MEAK7: variants seen among roughly 807,000 people sequenced by gnomAD.
MEAK7 encodes the protein MTOR-associated protein MEAK7.
In MEAK7, 68 loss-of-function variants were observed where a neutral mutation model predicts 40.5. The observed-to-expected ratio is 1.68, with a 90% CI of 1.38 to 2.06. The LOEUF (loss-of-function observed/expected upper bound fraction) is 2.06. Ranked by LOEUF, MEAK7 falls within the 30% of genes most tolerant of loss-of-function variation. MEAK7 has a pLI of 0.00. For missense variants in MEAK7, 918 were observed against 580.5 expected, an observed-to-expected ratio of 1.58 and a Z score of -5.98; for synonymous variants, 338 against 231.9, an observed-to-expected ratio of 1.46 and a Z score of -4.16.
At position 84,480,607 on chromosome 16, in the gene MEAK7, CGG is replaced by C; in HGVS notation, c.1177_1178del (p.Pro393AlafsTer11). 6.2e-7 allele frequency: 1 copy of C among 1,614,026 alleles called. No homozygotes were observed. Among genetic ancestry groups the C allele is most frequent in the Non-Finnish European group, 8.5e-7 (1 of 1,179,976 alleles). On this transcript the variant is annotated frameshift_variant, in exon 7 of 8. Coordinates refer to ENST00000343629, the MANE Select transcript of MEAK7 (RefSeq NM_020947.4). LOFTEE classifies it high-confidence loss of function. Reference protein sequence around the residue: ...AKPTCTTYNSPQLSAQENFQF... With the variant: ...AKPTCTTYNSXQLSAQENFQF... Reference sequence around the variant, plus strand: ...GGAAGTTCTCCTGAGCCGACAGCTGCGGGCTGTTGTACGTGGTGCACGTGGGC... The same window carrying C: ...GGAAGTTCTCCTGAGCCGACAGCTGCGCTGTTGTACGTGGTGCACGTGGGC...
chr16:84,484,731 C>A (rs189830054), intron 5 of MEAK7, among the ~76,000 whole-genome samples: 1 of 152,164 alleles, frequency 6.6e-6, no homozygotes, highest in Non-Finnish European at 1.5e-5. Context: ...TATTAGAGGT[C>A]ATTATTTCCA....
At chr16:84,504,497 G>A (rs1403600754) in intron 1 of MEAK7, 104 bp downstream of exon 1, 2 of 727,642 alleles carry the variant, frequency 2.7e-6, no homozygotes, top group Non-Finnish European at 3.4e-6. Context: ...GCCAGGGAGG[G>A]GCAGGGCCCA....
chr16:84,489,528 G>C, intron 3 of MEAK7, 106 bp from the exon 4 acceptor site: 1 of 1,296,654 alleles, frequency 7.7e-7, no homozygotes, highest in South Asian at 1.5e-5. Context: ...ACTATGATGG[G>C]CCACAATGTG....
Position 84,478,995 on chromosome 16 carries a change from G to A in MEAK7, c.*918C>T, listed in dbSNP as rs1470451790. The A allele has an allele frequency of 6.6e-6, 1 of 152,210 alleles. No homozygotes were observed. The highest frequency in any genetic ancestry group is 2.4e-5 in the African/African-American group (1 of 41,456). 9.4% of individuals were successfully genotyped at this position (152,210 alleles called of 1,614,324 possible). ...ATGTCCCTCACCTTGAAGTTAGCAA[G>A]AGAACCACAACTTTGCTTCTCTGTA... is the stretch of plus-strand genomic sequence containing the variant. On this transcript the variant is annotated 3_prime_UTR_variant, in exon 8 of 8. Coordinates refer to ENST00000343629, the MANE Select transcript of MEAK7 (RefSeq NM_020947.4).
chr16:84,497,872 A>T, intron 2 of MEAK7, 62 bp downstream of exon 2: 1 of 1,604,156 alleles, frequency 6.2e-7, no homozygotes, highest in Non-Finnish European at 8.5e-7. Context: ...TTCTGGCCTG[A>T]AAGCCACAGT....
At chr16:84,495,075 C>A (rs1913928174) in intron 3 of MEAK7, among the ~76,000 whole-genome samples, 1 of 152,142 alleles carries the variant, frequency 6.6e-6, no homozygotes, top group Non-Finnish European at 1.5e-5. Flanking sequence ...TGGAGACCAG[C>A]CTGGCCAACG....
At chr16:84,490,478 T>C (rs1309453196) in intron 3 of MEAK7, among the ~76,000 whole-genome samples, 1 of 106,492 alleles carries the variant, frequency 9.4e-6, no homozygotes, top group Non-Finnish European at 1.8e-5. Flanking sequence ...TTTTTTTTTT[T>C]TACCTCAACA....
At chr16:84,481,957 G>A (rs1912592524) in intron 6 of MEAK7, among the ~76,000 whole-genome samples, 1 of 152,076 alleles carries the variant, frequency 6.6e-6, no homozygotes, top group African/African-American at 2.4e-5. Flanking sequence ...AAAGAAAAGA[G>A]CTTTCTGTCA....
At position 84,486,946 on chromosome 16, in the gene MEAK7, A is replaced by G. The variant is rs1913135090; in HGVS notation, c.643T>C (p.Cys215Arg). Residue 215 changes from cysteine to arginine, a missense_variant, in exon 5 of 8, where the codon TGC (cysteine) becomes CGC (arginine). Transcript: ENST00000343629. ...GAGCACAGGATGAGAAAGCCCTTGC[A>G]AATGACCACACTCAGGAATATGGCC... ...HVAIFLSVVI[C>R]KGFLILCSSL... 1.9e-6 allele frequency: 3 copies of G among 1,614,200 alleles called. No individual in the cohort carries two copies. The highest frequency in any genetic ancestry group is 2.5e-6 in the Non-Finnish European group (3 of 1,180,042).
At chr16:84,481,205 G>T (rs939666555) in intron 6 of MEAK7, among the ~76,000 whole-genome samples, 7 of 152,190 alleles carry the variant, frequency 4.6e-5, no homozygotes, top group South Asian at 2.1e-4. Context: ...AGGCAGACCC[G>T]GAGGCGGATG....
chr16:84,503,750 C>T (rs950521325), intron 1 of MEAK7, among the ~76,000 whole-genome samples: 1 of 152,108 alleles, frequency 6.6e-6, no homozygotes, highest in Non-Finnish European at 1.5e-5. Flanking sequence ...GTTGCTCTGC[C>T]TCCGTGATGG....
intron 1 of MEAK7, among the ~76,000 whole-genome samples, chr16:84,502,239 C>G (rs554307529): frequency 1.3e-5 from 2 of 152,146 alleles, no homozygotes; most frequent in South Asian, 4.2e-4. Context: ...AGTTTCGTCC[C>G]CCAGGGGCAT....
chr16:84,479,834 G>A lies in MEAK7; in HGVS notation c.*79C>T, dbSNP rs1029275781. ...TACGCTATTACAGTTAAACCATGTG[G>A]GAGGGAAGAGGGGCTGCAGGCGTTG... On this transcript the variant is annotated 3_prime_UTR_variant, in exon 8 of 8. Transcript: ENST00000343629. 2 of 1,086,704 alleles carry A rather than the reference G, an allele frequency of 1.8e-6. No individual in the cohort carries two copies. Among genetic ancestry groups the A allele is most frequent in the African/African-American group, 3.2e-5 (2 of 63,380 alleles). 67.3% of individuals were successfully genotyped at this position (1,086,704 alleles called of 1,614,324 possible).
At position 84,484,986 on chromosome 16, in the gene MEAK7, G is replaced by C. The variant is rs575012148; in HGVS notation, c.958+1645C>G. Among the ~76,000 whole-genome samples the C allele has an allele frequency of 2.6e-5, 4 of 152,350 alleles. No homozygotes were observed. In the South Asian group the frequency reaches 8.3e-4, roughly 32 times the overall value. On this transcript the variant is annotated intron_variant, in intron 5 of 7. Transcript: ENST00000343629. ...TGAAATTAACATTAAAGGCTCTGGA[G>C]GGAGCAGCAGCTTTACCCTGATCAT...
At position 84,494,195 on chromosome 16, in the gene MEAK7, A is replaced by G. The variant is rs78234404; in HGVS notation, c.384+1488T>C. 2.7e-4 allele frequency among the ~76,000 whole-genome samples: 41 copies of G among 152,338 alleles called. No individual in the cohort carries two copies. In the East Asian group the frequency reaches 7.7e-3, roughly 29 times the overall value. On this transcript the variant is annotated intron_variant, in intron 3 of 7. Coordinates refer to ENST00000343629, the MANE Select transcript of MEAK7 (RefSeq NM_020947.4). ...TATGCAAAATAATCAAGCTAAGTAT[A>G]ATTAGACTACAACTTATTTTACAAA...
chr16:84,491,062 A>G (rs1481583168), intron 3 of MEAK7, among the ~76,000 whole-genome samples: 1 of 152,260 alleles, frequency 6.6e-6, no homozygotes, highest in Non-Finnish European at 1.5e-5. Flanking sequence ...AAGTTGGTTC[A>G]TTGAAAAGAT....
At chr16:84,484,831 C>T (rs1272877720) in intron 5 of MEAK7, among the ~76,000 whole-genome samples, 6 of 152,184 alleles carry the variant, frequency 3.9e-5, no homozygotes, top group South Asian at 4.1e-4. Flanking sequence ...GCTGTTGTTT[C>T]GTGAGTATGG....
At chr16:84,494,391 A>G (rs1415747092) in intron 3 of MEAK7, among the ~76,000 whole-genome samples, 1 of 152,144 alleles carries the variant, frequency 6.6e-6, no homozygotes, top group Non-Finnish European at 1.5e-5. Context: ...TCCTGGCTAC[A>G]AGTCTTTAAA....
chr16:84,482,562 G>T (rs773365905), intron 6 of MEAK7, 30 bp downstream of exon 6: 1 of 1,613,878 alleles, frequency 6.2e-7, no homozygotes, highest in Non-Finnish European at 8.5e-7. Flanking sequence ...CATCACCAAG[G>T]CAAGACCACC....
Sources: allele counts gnomAD v4.1 joint callset (sites outside exome capture counted in the v4.1 genomes callset), GRCh38; gene constraint gnomAD v4.1.1; transcripts MANE v1.5; gene names NCBI Gene and HGNC (gene_info 2026-07-23, HGNC 2026-07-21).